KCND2: variants seen among roughly 807,000 people sequenced by gnomAD.
KCND2 encodes potassium voltage-gated channel subfamily D member 2.
KCND2 carries 16 observed loss-of-function variants against 54.4 expected under a neutral mutation model. That is an observed-to-expected ratio of 0.29 (90% CI 0.20 to 0.45). The LOEUF (loss-of-function observed/expected upper bound fraction) is 0.45. Among genes scored for constraint, KCND2 ranks in the 20% least tolerant of loss-of-function variants. The pLI, the probability that KCND2 is intolerant of heterozygous loss-of-function variation, is 1.00. For synonymous variants in KCND2, 317 were observed against 310.7 expected, an observed-to-expected ratio of 1.02 and a Z score of -0.21; for missense variants, 486 against 824.2, an observed-to-expected ratio of 0.59 and a Z score of 5.02.
rs1563037984 is a variant in KCND2 at position 120,412,521 on chromosome 7, A to AT, written c.1115+136776dup. Reference sequence around the variant, plus strand: ...TCTTACTCCTTTAAAAATTACATATATTGTATTACATCAGTCCTCTTGTTC... The same window carrying AT: ...TCTTACTCCTTTAAAAATTACATATATTTGTATTACATCAGTCCTCTTGTTC... On this transcript the variant is annotated intron_variant, in intron 1 of 5. Coordinates refer to ENST00000331113, the MANE Select transcript of KCND2 (RefSeq NM_012281.3). 4.6e-5 allele frequency among the ~76,000 whole-genome samples: 7 copies of AT among 151,624 alleles called. No homozygotes were observed. The South Asian group carries it at 1.5e-3, about 31-fold the overall frequency.
chr7:120,432,787 G>A (rs539105517), intron 1 of KCND2, among the ~76,000 whole-genome samples: 7 of 152,164 alleles, frequency 4.6e-5, no homozygotes, highest in African/African-American at 9.6e-5. Flanking sequence ...GCCTTGCTTG[G>A]ACACCCCTCT....
chr7:120,432,518 C>T (rs1801807457), intron 1 of KCND2, among the ~76,000 whole-genome samples: 1 of 152,218 alleles, frequency 6.6e-6, no homozygotes, highest in African/African-American at 2.4e-5. Flanking sequence ...CACACACACA[C>T]ACACACCCCT....
intron 1 of KCND2, among the ~76,000 whole-genome samples, chr7:120,710,108 C>T (rs1369482031): frequency 6.6e-6 from 1 of 152,108 alleles, no homozygotes; most frequent in Non-Finnish European, 1.5e-5. Context: ...TGTCTAGTGA[C>T]ACTATATCCA....
chr7:120,684,249 A>G (rs1452483954), intron 1 of KCND2, among the ~76,000 whole-genome samples: 2 of 152,120 alleles, frequency 1.3e-5, no homozygotes, highest in African/African-American at 2.4e-5. Flanking sequence ...GCTAAAATAC[A>G]TTTTATGAAG....
chr7:120,572,521 AAT>A (rs199651169), intron 1 of KCND2, among the ~76,000 whole-genome samples: 2 of 151,212 alleles, frequency 1.3e-5, no homozygotes, highest in African/African-American at 2.4e-5. Context: ...GTGTGAACAT[AAT>A]ATATATATAT....
At chr7:120,462,848 T>G (rs1013142041) in intron 1 of KCND2, among the ~76,000 whole-genome samples, 2 of 152,010 alleles carry the variant, frequency 1.3e-5, no homozygotes, top group African/African-American at 4.8e-5. Flanking sequence ...CAGTTGATTT[T>G]TATATTTTCA....
intron 1 of KCND2, among the ~76,000 whole-genome samples, chr7:120,477,653 GA>G (rs2116273515): frequency 6.6e-6 from 1 of 152,176 alleles, no homozygotes; most frequent in South Asian, 2.1e-4. Context: ...AAAAAAAGAA[GA>G]GGGGGAAAGA....
chr7:120,311,408 T>C (rs1168721360), intron 1 of KCND2, among the ~76,000 whole-genome samples: 1 of 152,200 alleles, frequency 6.6e-6, no homozygotes, highest in Non-Finnish European at 1.5e-5. Context: ...GAATTTTAAT[T>C]ATAGAGGCAA....
intron 1 of KCND2, among the ~76,000 whole-genome samples, chr7:120,562,436 T>G (rs1792247498): frequency 6.6e-6 from 1 of 151,980 alleles, no homozygotes; most frequent in Non-Finnish European, 1.5e-5. Context: ...AGCAAAAGAG[T>G]AAAAAGCTAT....
rs145986526 is a variant in KCND2 at position 120,424,173 on chromosome 7, A to G, written c.1115+148426A>G. Among the ~76,000 whole-genome samples, 56 of 152,318 alleles carry G rather than the reference A, an allele frequency of 3.7e-4. 1 individual carries two copies. In the East Asian group the frequency reaches 9.6e-3, roughly 26 times the overall value. The stretch of plus-strand genomic sequence containing the variant: ...TTGTTTTAATATAAACTTGAATATA[A>G]GGGTAGTGGTTAAGAAGTGGGCCTT... On this transcript the variant is annotated intron_variant, in intron 1 of 5. Coordinates refer to ENST00000331113, the MANE Select transcript of KCND2 (RefSeq NM_012281.3).
intron 1 of KCND2, among the ~76,000 whole-genome samples, chr7:120,406,508 T>A (rs1203115925): frequency 1.3e-5 from 2 of 152,022 alleles, no homozygotes; most frequent in African/African-American, 4.8e-5. Context: ...TGACTTTTTT[T>A]CAAAAGCAAA....
chr7:120,412,608 G>A (rs1040894056), intron 1 of KCND2, among the ~76,000 whole-genome samples: 5 of 151,782 alleles, frequency 3.3e-5, no homozygotes, highest in Admixed American at 2.6e-4. Context: ...TAATTGTCTG[G>A]CTGACTTTCC....
intron 1 of KCND2, among the ~76,000 whole-genome samples, chr7:120,297,418 A>G (rs1266020816): frequency 6.6e-6 from 1 of 152,080 alleles, no homozygotes; most frequent in Non-Finnish European, 1.5e-5. Flanking sequence ...ATAGTATTTC[A>G]TTGTGTACCT....
At chr7:120,373,217 T>C (rs1214399396) in intron 1 of KCND2, among the ~76,000 whole-genome samples, 1 of 151,860 alleles carries the variant, frequency 6.6e-6, no homozygotes, top group Non-Finnish European at 1.5e-5. Context: ...TAAGGCTAGA[T>C]TTTTGAATAT....
At chr7:120,678,400 C>G (rs982807646) in intron 1 of KCND2, among the ~76,000 whole-genome samples, 3 of 132,210 alleles carry the variant, frequency 2.3e-5, no homozygotes, top group Non-Finnish European at 4.8e-5. Context: ...TAGACACATA[C>G]ACACATATAT....
intron 1 of KCND2, among the ~76,000 whole-genome samples, chr7:120,612,967 A>G (rs17142852): frequency 0.067 from 10,207 of 152,274 alleles, 413 homozygotes; most frequent in African/African-American, 0.11. Context: ...GAAATCCCAA[A>G]TGAACTGCTC....
chr7:120,697,389 A>G (rs887694970), intron 1 of KCND2, among the ~76,000 whole-genome samples: 1 of 152,046 alleles, frequency 6.6e-6, no homozygotes, highest in African/African-American at 2.4e-5. Context: ...GATTTTTTTT[A>G]TTATAATTAT....
At chr7:120,556,869 TTGGA>T (rs1232191555) in intron 1 of KCND2, among the ~76,000 whole-genome samples, 71 of 152,318 alleles carry the variant, frequency 4.7e-4, no homozygotes, top group African/African-American at 1.7e-3. Context: ...CAGGGTTACC[TTGGA>T]TGGAGATTTG....
At chr7:120,706,913 A>T (rs946532074) in intron 1 of KCND2, among the ~76,000 whole-genome samples, 2 of 152,170 alleles carry the variant, frequency 1.3e-5, no homozygotes, top group African/African-American at 4.8e-5. Flanking sequence ...AGCATAGTTG[A>T]TCAAAATTTA....
Sources: allele counts gnomAD v4.1 joint callset (sites outside exome capture counted in the v4.1 genomes callset), GRCh38; gene constraint gnomAD v4.1.1; transcripts MANE v1.5; gene names NCBI Gene and HGNC (gene_info 2026-07-23, HGNC 2026-07-21).